Variants in IP6K3 observed in about 807,000 individuals in gnomAD.
IP6K3 encodes the protein ATP:1D-myo-inositol-hexakisphosphate phosphotransferase.
Under a neutral mutation model 28.8 loss-of-function variants are expected in IP6K3, and 20 were observed. That is an observed-to-expected ratio of 0.70 (90% CI 0.49 to 1.01). IP6K3 has a LOEUF of 1.01. Ranked by LOEUF, IP6K3 falls within the 50% of genes least tolerant of loss-of-function variation. The pLI is 0.00. For missense variants in IP6K3, 480 were observed against 537.1 expected, an observed-to-expected ratio of 0.89 and a Z score of 1.05; for synonymous variants, 213 against 221.3, an observed-to-expected ratio of 0.96 and a Z score of 0.33.
At position 33,742,578 on chromosome 6, in the gene IP6K3, C is replaced by T. The variant is rs1368551243; in HGVS notation, c.-180+4180G>A. On this transcript the variant is annotated intron_variant, in intron 1 of 5. Transcript: ENST00000293756. The surrounding 1 kb of genome is among the most constrained non-coding windows in gnomAD (Gnocchi z 4.5). ...GCCAAGACCTTACCCAAATCCTCAC[C>T]ACCACAATCTGCAGAGTAGGAAAGT... Among the ~76,000 whole-genome samples the T allele has an allele frequency of 6.6e-6, 1 of 152,182 alleles. No individual in the cohort carries two copies. The highest frequency in any genetic ancestry group is 1.5e-5 in the Non-Finnish European group (1 of 68,034).
the IP6K3 span, among the ~76,000 whole-genome samples, chr6:33,756,175 T>C: frequency 2.0e-5 from 3 of 152,120 alleles, no homozygotes; most frequent in Admixed American, 2.0e-4. Context: ...AAAATTTTTT[T>C]AAAAAGTAAA....
the IP6K3 span, among the ~76,000 whole-genome samples, chr6:33,755,817 A>C: frequency 2.0e-5 from 3 of 152,322 alleles, no homozygotes; most frequent in East Asian, 1.9e-4. Context: ...AATAAAAACC[A>C]TTGATGTTAA....
intron 5 of IP6K3, 25 bp from the exon 6 acceptor site, chr6:33,723,212 ATG>A: frequency 6.8e-7 from 1 of 1,469,466 alleles, no homozygotes; most frequent in Non-Finnish European, 9.2e-7. Flanking sequence ...AATAAAGAAA[ATG>A]TGAAGATTGG....
intron 2 of IP6K3, among the ~76,000 whole-genome samples, chr6:33,731,275 G>A (rs77958951): frequency 1.3e-3 from 192 of 152,122 alleles, no homozygotes; most frequent in African/African-American, 4.1e-3. Context: ...CCTGCCACAC[G>A]TGACCCTGGC....
chr6:33,725,412 C>A, intron 5 of IP6K3, 29 bp downstream of exon 5: 1 of 1,589,660 alleles, frequency 6.3e-7, no homozygotes, highest in Non-Finnish European at 8.5e-7. Context: ...CGGGATGTCC[C>A]CCCCTGTGGT....
the IP6K3 span, among the ~76,000 whole-genome samples, chr6:33,756,339 T>C: frequency 1.9e-4 from 29 of 151,892 alleles, no homozygotes; most frequent in South Asian, 5.8e-3. Context: ...GGATTGCCAG[T>C]GTGTAGATGT....
intron 5 of IP6K3, among the ~76,000 whole-genome samples, chr6:33,724,975 C>T (rs1045266175): frequency 3.9e-5 from 6 of 152,176 alleles, no homozygotes; most frequent in African/African-American, 9.7e-5. Flanking sequence ...GGCGCAGTGG[C>T]TCACACCTGT....
intron 2 of IP6K3, among the ~76,000 whole-genome samples, chr6:33,729,319 TG>T (rs1204541536): frequency 6.6e-6 from 1 of 152,184 alleles, no homozygotes; most frequent in Admixed American, 6.5e-5. Context: ...TTGGGAGAAG[TG>T]GAGGTGAGAA....
At position 33,725,992 on chromosome 6, in the gene IP6K3, T is replaced by C. The variant is rs9469577; in HGVS notation, c.590-376A>G. Among the ~76,000 whole-genome samples, 1,439 of 152,280 alleles carry C rather than the reference T, an allele frequency of 9.4e-3. 33 individuals carry two copies. The highest frequency in any genetic ancestry group is 0.031 in the African/African-American group (1,278 of 41,560). Reference sequence around the variant, plus strand: ...GTCCTGCTGAATGGACCAATACCTTTTGGGAGAAGTGGGTTGATGTTAGCT... The same window carrying C: ...GTCCTGCTGAATGGACCAATACCTTCTGGGAGAAGTGGGTTGATGTTAGCT... On this transcript the variant is annotated intron_variant, in intron 4 of 5. Transcript: ENST00000293756.
At chr6:33,760,961 CCTT>C in the IP6K3 span, among the ~76,000 whole-genome samples, 3 of 150,762 alleles carry the variant, frequency 2.0e-5, no homozygotes. Context: ...CCTCTTCTCT[CCTT>C]TGACAAACCT....
At chr6:33,743,947 G>A (rs2127366227) in intron 1 of IP6K3, among the ~76,000 whole-genome samples, 1 of 151,178 alleles carries the variant, frequency 6.6e-6, no homozygotes, top group South Asian at 2.1e-4. Flanking sequence ...GAGATTATTA[G>A]TTTAGAAACC....
At chr6:33,757,730 G>A in the IP6K3 span, among the ~76,000 whole-genome samples, 3 of 152,176 alleles carry the variant, frequency 2.0e-5, no homozygotes, top group Admixed American at 6.5e-5. Context: ...GGATGAAAAA[G>A]TGTGTGCCTG....
the IP6K3 span, among the ~76,000 whole-genome samples, chr6:33,755,514 C>T: frequency 6.6e-6 from 1 of 152,320 alleles, no homozygotes; most frequent in East Asian, 1.9e-4. Context: ...CTTAAGGTGG[C>T]CAGAGAGCAA....
upstream of IP6K3, among the ~76,000 whole-genome samples, chr6:33,748,198 T>C (rs965215514): frequency 3.3e-5 from 5 of 152,068 alleles, no homozygotes; most frequent in African/African-American, 1.2e-4. Flanking sequence ...TGGTTCAGCC[T>C]CTCTCGGACT....
chr6:33,758,966 C>T, the IP6K3 span, among the ~76,000 whole-genome samples: 4 of 152,286 alleles, frequency 2.6e-5, no homozygotes, highest in East Asian at 3.9e-4. Context: ...ATAATATTTA[C>T]GTGTCGTAAC....
At chr6:33,743,375 G>A (rs980630019) in intron 1 of IP6K3, among the ~76,000 whole-genome samples, 1 of 152,178 alleles carries the variant, frequency 6.6e-6, no homozygotes, top group African/African-American at 2.4e-5. Flanking sequence ...CAGGTCTCTC[G>A]GAGCCAGAGG....
Position 33,735,359 on chromosome 6 carries a change from A to G in IP6K3, c.118T>C (p.Cys40Arg). 1 of 1,606,786 alleles carries G rather than the reference A, an allele frequency of 6.2e-7. No individual in the cohort carries two copies. The highest frequency in any genetic ancestry group is 8.5e-7 in the Non-Finnish European group (1 of 1,176,354). The change falls in exon 2 of 6, where the codon TGC (cysteine) becomes CGC (arginine). Residue 40 changes from cysteine to arginine, a missense_variant. Transcript: ENST00000293756. ...TGCTCCCGGGAGACGAGGGGCTTGC[A>G]CACCGTATGCTCGTCATACTTCATC... ...SVMKYDEHTV[C>R]KPLVSREQRF...
chr6:33,755,739 G>A, the IP6K3 span, among the ~76,000 whole-genome samples: 6,471 of 152,306 alleles, frequency 0.042, 413 homozygotes, highest in African/African-American at 0.13. Context: ...CATTCCGCAC[G>A]CATGGCTGCA....
intron 1 of IP6K3, among the ~76,000 whole-genome samples, chr6:33,743,799 T>C (rs1766812040): frequency 2.0e-5 from 3 of 152,090 alleles, no homozygotes; most frequent in Admixed American, 1.3e-4. Context: ...GAGCAATACT[T>C]CATATTCCTC....
Sources: allele counts gnomAD v4.1 joint callset (sites outside exome capture counted in the v4.1 genomes callset), GRCh38; gene constraint gnomAD v4.1.1; non-coding constraint Gnocchi (gnomAD v3.1); transcripts MANE v1.5; gene names NCBI Gene and HGNC (gene_info 2026-07-23, HGNC 2026-07-21).